TTC28: variants seen among roughly 807,000 people sequenced by gnomAD.
The protein encoded by TTC28 is tetratricopeptide repeat protein 28.
Under a neutral mutation model 198.0 loss-of-function variants are expected in TTC28, and 61 were observed. That is an observed-to-expected ratio of 0.31 (90% CI 0.25 to 0.38). The LOEUF is 0.38. Among genes scored for constraint, TTC28 ranks in the 10% least tolerant of loss-of-function variants. The pLI, the probability that TTC28 is intolerant of heterozygous loss-of-function variation, is 1.00. For synonymous variants in TTC28, 1,171 were observed against 1,297.8 expected (o/e 0.90, Z 2.10); for missense variants, 2,678 against 3,164.0 (o/e 0.85, Z 3.69).
chr22:28,469,871 G>A (rs1205792511), intron 2 of TTC28, among the ~76,000 whole-genome samples: 1 of 152,038 alleles, frequency 6.6e-6, no homozygotes, highest in Non-Finnish European at 1.5e-5. Context: ...GTCTCACTCT[G>A]CTGCCCAGGC....
intron 5 of TTC28, among the ~76,000 whole-genome samples, chr22:28,166,272 G>C (rs1037377846): frequency 2.0e-5 from 3 of 152,168 alleles, no homozygotes; most frequent in African/African-American, 7.2e-5. Context: ...CAACGAGACA[G>C]AAAGTTAACA....
chr22:28,398,221 C>T (rs934803225), intron 2 of TTC28, among the ~76,000 whole-genome samples: 4 of 152,176 alleles, frequency 2.6e-5, no homozygotes, highest in African/African-American at 9.7e-5. Context: ...TACAGCAGCC[C>T]CACTTCTGTG....
At chr22:28,331,635 G>C (rs2045618045) in intron 2 of TTC28, among the ~76,000 whole-genome samples, 1 of 151,950 alleles carries the variant, frequency 6.6e-6, no homozygotes, top group East Asian at 1.9e-4. Flanking sequence ...CTCTCATTCT[G>C]CTTTTTATAA....
chr22:28,636,484 T>C (rs1285678198), intron 1 of TTC28, among the ~76,000 whole-genome samples: 1 of 152,172 alleles, frequency 6.6e-6, no homozygotes, highest in Non-Finnish European at 1.5e-5. Flanking sequence ...CAATGGACAC[T>C]TAGGTTGTTT....
At chr22:28,122,874 A>C (rs992834046) in intron 6 of TTC28, among the ~76,000 whole-genome samples, 1 of 152,226 alleles carries the variant, frequency 6.6e-6, no homozygotes, top group African/African-American at 2.4e-5. Context: ...TCTTCTAATA[A>C]TATTCTCACC....
chr22:28,211,935 C>G (rs1357635089), intron 5 of TTC28, among the ~76,000 whole-genome samples: 3 of 152,094 alleles, frequency 2.0e-5, no homozygotes. Context: ...ACTCTCAGAC[C>G]ACAGTGCAAT....
intron 2 of TTC28, among the ~76,000 whole-genome samples, chr22:28,420,033 G>T (rs1025315284): frequency 6.6e-6 from 1 of 152,172 alleles, no homozygotes; most frequent in Non-Finnish European, 1.5e-5. Flanking sequence ...CAGCAAGTTT[G>T]ATTTTGAAAA....
At chr22:28,399,808 C>T (rs2046875830) in intron 2 of TTC28, among the ~76,000 whole-genome samples, 1 of 152,064 alleles carries the variant, frequency 6.6e-6, no homozygotes, top group South Asian at 2.1e-4. Flanking sequence ...CTCACCTAGC[C>T]TCACAACAAT....
intron 2 of TTC28, among the ~76,000 whole-genome samples, chr22:28,321,106 A>G (rs1418911665): frequency 2.6e-5 from 4 of 152,204 alleles, no homozygotes; most frequent in Non-Finnish European, 5.9e-5. Context: ...CTGGTAAAAA[A>G]TCCATTTTTA....
chr22:28,674,845 A>G (rs946670019), intron 1 of TTC28, among the ~76,000 whole-genome samples: 6 of 151,136 alleles, frequency 4.0e-5, no homozygotes, highest in African/African-American at 9.7e-5. Context: ...AAGGTAAAAC[A>G]TGATCATTGT....
At chr22:28,101,069 G>T in intron 9 of TTC28, 102 bp downstream of exon 9, 1 of 805,610 alleles carries the variant, frequency 1.2e-6, no homozygotes, top group Non-Finnish European at 2.0e-6. Flanking sequence ...AAGGGTAGAA[G>T]TCAGTGCCTC....
chr22:28,657,794 G>A (rs575744742), intron 1 of TTC28, among the ~76,000 whole-genome samples: 132 of 152,160 alleles, frequency 8.7e-4, no homozygotes, highest in African/African-American at 2.3e-3. Flanking sequence ...CGTGAGAATC[G>A]CTTGAACCTG....
chr22:28,030,497 AC>A, intron 12 of TTC28, 131 bp from the exon 13 acceptor site: 1 of 1,120,944 alleles, frequency 8.9e-7, no homozygotes, highest in Non-Finnish European at 1.2e-6. Flanking sequence ...TGACAGCATC[AC>A]CCCACTCCCT....
intron 12 of TTC28, among the ~76,000 whole-genome samples, chr22:28,084,195 GA>G (rs1445268708): frequency 3.3e-5 from 5 of 152,254 alleles, no homozygotes; most frequent in African/African-American, 9.6e-5. Flanking sequence ...TGAGATCTGA[GA>G]AAGGGCAGAC....
chr22:28,154,790 T>C (rs1056564672), intron 6 of TTC28, among the ~76,000 whole-genome samples: 2 of 152,204 alleles, frequency 1.3e-5, no homozygotes, highest in Non-Finnish European at 2.9e-5. Context: ...TATTTTATTA[T>C]AAAACAAATA....
chr22:28,239,988 C>T (rs1187826212), intron 5 of TTC28, among the ~76,000 whole-genome samples: 2 of 152,198 alleles, frequency 1.3e-5, no homozygotes, highest in African/African-American at 4.8e-5. Flanking sequence ...GTTGTGGGAG[C>T]TGTCCTGTGC....
chr22:28,229,331 A>G (rs961886934), intron 5 of TTC28, among the ~76,000 whole-genome samples: 2 of 152,220 alleles, frequency 1.3e-5, no homozygotes, highest in Non-Finnish European at 2.9e-5. Context: ...AAAAAAATTA[A>G]GTGAAGCCAG....
chr22:28,358,332 T>C lies in TTC28; in HGVS notation c.382-51689A>G, dbSNP rs1227392506. On this transcript the variant is annotated intron_variant, in intron 2 of 22. Transcript: ENST00000397906. ...AATCTCTCAGCTCACTAGAGCAGAA[T>C]CTGTCTCTAATACACTGGTCACAGG... Among the ~76,000 whole-genome samples, 3 of 152,206 alleles carry C rather than the reference T, an allele frequency of 2.0e-5. No homozygotes were observed. The South Asian group carries it at 6.2e-4, about 32-fold the overall frequency.
intron 2 of TTC28, among the ~76,000 whole-genome samples, chr22:28,398,427 A>G (rs2046850638): frequency 6.6e-6 from 1 of 152,228 alleles, no homozygotes; most frequent in Non-Finnish European, 1.5e-5. Context: ...ATGGGAACAA[A>G]AATTAGAAGC....
Sources: allele counts gnomAD v4.1 joint callset (sites outside exome capture counted in the v4.1 genomes callset), GRCh38; gene constraint gnomAD v4.1.1; transcripts MANE v1.5; gene names NCBI Gene and HGNC (gene_info 2026-07-23, HGNC 2026-07-21).